Variants in CNGB1 observed in about 807,000 individuals in gnomAD.
The protein encoded by CNGB1 is cyclic nucleotide gated channel subunit beta 1.
CNGB1 carries 126 observed loss-of-function variants against 151.7 expected under a neutral mutation model. The observed-to-expected ratio is 0.83, with a 90% CI of 0.72 to 0.96. The LOEUF is 0.96. Among genes scored for constraint, CNGB1 ranks in the 40% least tolerant of loss-of-function variants. CNGB1 has a pLI of 0.00. For synonymous variants in CNGB1, 623 were observed against 635.1 expected (o/e 0.98, Z 0.29); for missense variants, 1,698 against 1,627.0 (o/e 1.04, Z -0.75).
In CNGB1 at chr16:57,897,804, T is replaced by C; in HGVS notation, c.3087A>G (p.Gly1029=). Residue 1029 remains glycine, a synonymous_variant, in exon 30 of 33, where the codon GGA becomes GGG. Coordinates refer to ENST00000251102, the MANE Select transcript of CNGB1 (RefSeq NM_001297.5). ...LVTLKAGSVF[G]EISLLAVGGG... ...CCCCAGCTGCGTCTGACCTTATTTC[T>C]CCAAACACAGATCCAGCTTTCAGCG... 2 of 1,613,992 alleles carry C rather than the reference T, an allele frequency of 1.2e-6. No individual in the cohort carries two copies. The highest frequency in any genetic ancestry group is 1.7e-6 in the Non-Finnish European group (2 of 1,179,964).
chr16:57,894,040 G>A (rs548785829), intron 31 of CNGB1, among the ~76,000 whole-genome samples: 42 of 152,184 alleles, frequency 2.8e-4, no homozygotes, highest in African/African-American at 9.4e-4. Flanking sequence ...AACAAAAACC[G>A]GCTTTTCTAA....
intron 14 of CNGB1, among the ~76,000 whole-genome samples, chr16:57,947,908 G>T (rs182127911): frequency 8.5e-5 from 13 of 152,192 alleles, no homozygotes; most frequent in South Asian, 2.1e-4. Flanking sequence ...GAAGCTCTGA[G>T]CGGGTACACC....
chr16:57,953,800 G>T (rs554686011), intron 12 of CNGB1, among the ~76,000 whole-genome samples: 22 of 151,844 alleles, frequency 1.4e-4, no homozygotes, highest in Non-Finnish European at 2.5e-4. Flanking sequence ...CCCGTCATCA[G>T]AATCATCTGA....
At chr16:57,923,911 C>T (rs1017855833) in intron 17 of CNGB1, among the ~76,000 whole-genome samples, 14 of 152,142 alleles carry the variant, frequency 9.2e-5, no homozygotes, top group African/African-American at 3.1e-4. Flanking sequence ...AGGTAAGTCC[C>T]ATCCCCTCCT....
chr16:57,919,130 G>A lies in CNGB1; in HGVS notation c.1926C>T (p.Tyr642=). The part of the protein sequence containing the change: ...CKFKHRPWKK[Y]QFPQSIDPLT... Reference sequence around the variant, plus strand: ...GCGGGTCAATGCTCTGGGGAAACTGGTACTTCTTCCAGGGGCGGTGTTTGA... The same window carrying A: ...GCGGGTCAATGCTCTGGGGAAACTGATACTTCTTCCAGGGGCGGTGTTTGA... Residue 642 remains tyrosine, a synonymous_variant, in exon 20 of 33, where the codon TAC becomes TAT. Transcript: ENST00000251102. 2 of 1,614,196 alleles carry A rather than the reference G, an allele frequency of 1.2e-6. No homozygotes were observed. The highest frequency in any genetic ancestry group is 2.2e-5 in the East Asian group (1 of 44,876).
At position 57,953,791 on chromosome 16, in the gene CNGB1, C is replaced by T. The variant is rs572481533; in HGVS notation, c.875-3251G>A. ...TCAAAGTATGGTCCCAGCCTCTACC[C>T]CGTCATCAGAATCATCTGAGAAAGC... On this transcript the variant is annotated intron_variant, in intron 12 of 32. Coordinates refer to ENST00000251102, the MANE Select transcript of CNGB1 (RefSeq NM_001297.5). 2.1e-4 allele frequency among the ~76,000 whole-genome samples: 32 copies of T among 152,232 alleles called. No homozygotes were observed. In the East Asian group the frequency reaches 5.8e-3, roughly 28 times the overall value.
In CNGB1 at chr16:57,964,299, C is replaced by G. The variant is rs1310526124; in HGVS notation, c.218-97G>C. The G allele has an allele frequency of 7.6e-6, 11 of 1,445,236 alleles. No individual in the cohort carries two copies. The African/African-American group carries it at 1.5e-4, about 20-fold the overall frequency. The allele number at this position is 1,445,236 out of a possible 1,614,324, so 89.5% of individuals were successfully genotyped here. A position where few individuals can be genotyped will look rare whatever the true frequency, so the allele number is the denominator to read the frequency against. ...CAAGTCAGGGGAGAGGAGAGAGACC[C>G]CCAGGGGTCAGAAAGCCAGGCTCCA... On this transcript the variant is annotated intron_variant, in intron 3 of 32. Transcript: ENST00000251102.
chr16:57,900,364 T>C (rs1960352559), intron 29 of CNGB1, among the ~76,000 whole-genome samples: 1 of 152,254 alleles, frequency 6.6e-6, no homozygotes, highest in Non-Finnish European at 1.5e-5. Flanking sequence ...AGGGACTTTC[T>C]TGGGGACGGG....
intron 32 of CNGB1, among the ~76,000 whole-genome samples, chr16:57,886,525 C>A (rs1333719793): frequency 6.6e-5 from 10 of 152,138 alleles, no homozygotes; most frequent in Admixed American, 6.5e-4. Context: ...GTCTTGGTAC[C>A]CCAAATGGCT....
chr16:57,893,893 A>G (rs1195976338), intron 31 of CNGB1, among the ~76,000 whole-genome samples: 1 of 152,158 alleles, frequency 6.6e-6, no homozygotes, highest in Non-Finnish European at 1.5e-5. Context: ...AAAGTTAAAC[A>G]ACTTCCTCAA....
In CNGB1 at chr16:57,932,014, C is replaced by A. The variant is rs13332299; in HGVS notation, c.1373-136G>T. On this transcript the variant is annotated intron_variant, in intron 16 of 32. Coordinates refer to ENST00000251102, the MANE Select transcript of CNGB1 (RefSeq NM_001297.5). ...GATAGCTTCACTTCCCAATGGGGCA[C>A]ACAGAAAAGCTCCATGCAGGGGGTA... 7,657 of 956,580 alleles carry A rather than the reference C, an allele frequency of 8.0e-3. 343 individuals are homozygous for A. The African/African-American group carries it at 0.1, about 13-fold the overall frequency. 59.3% of individuals were successfully genotyped at this position (956,580 alleles called of 1,614,324 possible). A position where few individuals can be genotyped will look rare whatever the true frequency, so the allele number is the denominator to read the frequency against.
intron 11 of CNGB1, 76 bp downstream of exon 11, chr16:57,958,327 GCCAACCA>G (rs202003911): frequency 7.6e-7 from 1 of 1,314,018 alleles, no homozygotes; most frequent in Non-Finnish European, 1.1e-6. Flanking sequence ...CTGCCACAGG[GCCAACCA>G]TCCTCCTCCT....
At position 57,884,157 on chromosome 16, in the gene CNGB1, C is replaced by T; in HGVS notation, c.*7G>A. The T allele has an allele frequency of 1.2e-6, 2 of 1,613,998 alleles. No homozygotes were observed. The highest frequency in any genetic ancestry group is 1.7e-6 in the Non-Finnish European group (2 of 1,179,902). Reference sequence around the variant, plus strand: ...GGAACTGCGCGCGGGATCCGCCTCACCCCACCTTACTCCGCCTTCTCCTCC... The same window carrying T: ...GGAACTGCGCGCGGGATCCGCCTCATCCCACCTTACTCCGCCTTCTCCTCC... On this transcript the variant is annotated 3_prime_UTR_variant, in exon 33 of 33. Transcript: ENST00000251102.
intron 12 of CNGB1, among the ~76,000 whole-genome samples, chr16:57,955,645 C>T (rs1464333555): frequency 3.3e-5 from 5 of 152,158 alleles, no homozygotes; most frequent in Non-Finnish European, 5.9e-5. Flanking sequence ...GAGATCATCC[C>T]GGATTGAGGG....
chr16:57,958,440 C>G lies in CNGB1; in HGVS notation c.807G>C (p.Gln269His). ...VLHRLEMALP[Q>H]PVLHGKIGEQ... ...CCCCTATTTTCCCATGTAGCACTGG[C>G]TGCGGCAAGGCCATCTCCAGCCTGT... The change falls in exon 11 of 33, where the codon CAG becomes CAC. Residue 269 changes from glutamine to histidine, a missense_variant. Transcript: ENST00000251102. 1 of 1,614,198 alleles carries G rather than the reference C, an allele frequency of 6.2e-7. No homozygotes were observed. Among genetic ancestry groups the G allele is most frequent in the South Asian group, 1.1e-5 (1 of 91,086 alleles).
chr16:57,903,684 A>G (rs1189500761), intron 27 of CNGB1, 138 bp downstream of exon 27: 27 of 1,096,632 alleles, frequency 2.5e-5, no homozygotes, highest in Middle Eastern at 2.8e-4. Flanking sequence ...AATGTTGGGG[A>G]CACAGCCAAG....
intron 26 of CNGB1, among the ~76,000 whole-genome samples, 183 bp from the exon 27 acceptor site, chr16:57,904,164 C>T (rs1267409427): frequency 6.6e-6 from 1 of 152,064 alleles, no homozygotes; most frequent in Non-Finnish European, 1.5e-5. Flanking sequence ...AGTTCTGCCT[C>T]CAGCATGGAT....
rs1959843464 is a variant in CNGB1 at position 57,884,299 on chromosome 16, C to T, written c.3621G>A (p.Arg1207=). 1.2e-6 allele frequency: 2 copies of T among 1,613,214 alleles called. No homozygotes were observed. Among genetic ancestry groups the T allele is most frequent in the Non-Finnish European group, 1.7e-6 (2 of 1,179,756 alleles). The change falls in exon 33 of 33, where the codon AGG becomes AGA. Residue 1207 remains arginine (R), a synonymous_variant. Transcript: ENST00000251102. ...CCGGCCCCTCCTCCTCTCCCTCCGG[C>T]CTCCCAAGGGAGGCAGGCGGTGGAG... is the stretch of plus-strand genomic sequence containing the variant. ...PSSPPPASLG[R]PEGEEEGPAE... is the part of the protein sequence containing the mutation.
chr16:57,958,595 C>A (rs73545176), intron 10 of CNGB1, 110 bp from the exon 11 acceptor site: 7 of 947,850 alleles, frequency 7.4e-6, no homozygotes, highest in African/African-American at 6.4e-5. Context: ...AAAGGCAGAG[C>A]CTGCCAGGAG....
Sources: gnomAD v4.1 joint callset for allele counts (sites outside exome capture counted in the v4.1 genomes callset) on GRCh38, gnomAD v4.1.1 for gene constraint, MANE v1.5 for transcripts, NCBI Gene and HGNC (gene_info 2026-07-23, HGNC 2026-07-21) for gene names.